NEK7: variants seen among roughly 807,000 people sequenced by gnomAD.
NEK7 encodes NIMA related kinase 7.
A neutral mutation model predicts 44.6 loss-of-function variants in NEK7; 18 were observed. The ratio of observed to expected loss-of-function variants is 0.40; its 90% CI spans 0.28 to 0.60. The LOEUF (loss-of-function observed/expected upper bound fraction) is 0.60. NEK7 is among the 20% of genes least tolerant of loss of function. NEK7 has a pLI of 0.38. For missense variants in NEK7, 256 were observed against 366.5 expected, an observed-to-expected ratio of 0.70 and a Z score of 2.46; for synonymous variants, 130 against 121.1, an observed-to-expected ratio of 1.07 and a Z score of -0.48.
At chr1:198,293,290 A>G (rs369455678) in intron 8 of NEK7, among the ~76,000 whole-genome samples, 2 of 152,088 alleles carry the variant, frequency 1.3e-5, no homozygotes, top group East Asian at 3.9e-4. Context: ...TTATGTTAAT[A>G]TAACGCCTTT....
intron 1 of NEK7, among the ~76,000 whole-genome samples, chr1:198,211,559 A>G (rs1356708347): frequency 6.6e-6 from 1 of 152,198 alleles, no homozygotes; most frequent in African/African-American, 2.4e-5. Flanking sequence ...TATCCAAAGT[A>G]GCATAAATAA....
chr1:198,311,649 G>T (rs181284657), intron 9 of NEK7, among the ~76,000 whole-genome samples: 4 of 151,684 alleles, frequency 2.6e-5, no homozygotes, highest in African/African-American at 7.3e-5. Context: ...TAGCATGAAG[G>T]GTTATTGAAT....
At chr1:198,264,848 C>G (rs558308091) in intron 5 of NEK7, among the ~76,000 whole-genome samples, 6 of 152,100 alleles carry the variant, frequency 3.9e-5, no homozygotes, top group Admixed American at 3.9e-4. Context: ...AGTTACTTCT[C>G]TGTGTCACAT....
chr1:198,205,091 A>C (rs1353852933), intron 1 of NEK7, among the ~76,000 whole-genome samples: 3 of 152,184 alleles, frequency 2.0e-5, no homozygotes, highest in Non-Finnish European at 1.5e-5. Flanking sequence ...GTGTCTGTGA[A>C]TAAAAACCCC....
chr1:198,316,818 AAAAG>A (rs1400899729), intron 9 of NEK7, among the ~76,000 whole-genome samples: 3 of 152,240 alleles, frequency 2.0e-5, no homozygotes, highest in African/African-American at 4.8e-5. Context: ...AGAGGGGGCA[AAAAG>A]AAAGAACAAA....
At chr1:198,214,932 A>G (rs1448490390) in intron 1 of NEK7, among the ~76,000 whole-genome samples, 1 of 152,190 alleles carries the variant, frequency 6.6e-6, no homozygotes, top group Non-Finnish European at 1.5e-5. Flanking sequence ...GTAAGACAAA[A>G]GCATCAGGTA....
intron 1 of NEK7, among the ~76,000 whole-genome samples, chr1:198,209,403 TC>T (rs1665700825): frequency 6.6e-6 from 1 of 152,140 alleles, no homozygotes; most frequent in African/African-American, 2.4e-5. Flanking sequence ...TTATCCCTGT[TC>T]CAAGCACTGT....
intron 1 of NEK7, among the ~76,000 whole-genome samples, chr1:198,177,240 G>A (rs941219376): frequency 2.0e-5 from 3 of 152,158 alleles, no homozygotes; most frequent in African/African-American, 7.2e-5. Flanking sequence ...TAAACACACA[G>A]TTCTGAACCA....
chr1:198,227,556 C>T (rs989409911), intron 1 of NEK7, among the ~76,000 whole-genome samples: 9 of 152,256 alleles, frequency 5.9e-5, no homozygotes, highest in Admixed American at 3.9e-4. Flanking sequence ...TTAATGATCG[C>T]CATTCTAACT....
At chr1:198,249,625 C>T (rs1652842268) in intron 2 of NEK7, among the ~76,000 whole-genome samples, 1 of 152,042 alleles carries the variant, frequency 6.6e-6, no homozygotes. Context: ...ATTTGCATTT[C>T]TCTGATGGCC....
At chr1:198,229,980 ATCAG>A (rs956125483) in intron 1 of NEK7, among the ~76,000 whole-genome samples, 5 of 152,190 alleles carry the variant, frequency 3.3e-5, no homozygotes, top group African/African-American at 4.8e-5. Flanking sequence ...TCTTCTTTGG[ATCAG>A]TCAGACTGTG....
intron 3 of NEK7, among the ~76,000 whole-genome samples, chr1:198,261,589 A>C (rs978384815): frequency 6.6e-6 from 1 of 151,936 alleles, no homozygotes; most frequent in Non-Finnish European, 1.5e-5. Context: ...CAAGCTGATT[A>C]CTAAAAATGT....
intron 1 of NEK7, among the ~76,000 whole-genome samples, chr1:198,196,262 AACCAAGT>A (rs1665233164): frequency 6.6e-6 from 1 of 152,226 alleles, no homozygotes; most frequent in Admixed American, 6.5e-5. Context: ...TTAGTGCAGC[AACCAAGT>A]AAAAGATGCA....
At chr1:198,287,734 A>G (rs1334813562) in intron 7 of NEK7, among the ~76,000 whole-genome samples, 2 of 152,130 alleles carry the variant, frequency 1.3e-5, no homozygotes, top group African/African-American at 4.8e-5. Flanking sequence ...TTTAAAAAAA[A>G]AAAAGCTAAC....
intron 9 of NEK7, among the ~76,000 whole-genome samples, chr1:198,300,040 T>C (rs889668262): frequency 4.6e-5 from 7 of 152,224 alleles, no homozygotes; most frequent in African/African-American, 1.7e-4. Flanking sequence ...ACATAAGTGA[T>C]ATTAGGGAAT....
intron 1 of NEK7, among the ~76,000 whole-genome samples, chr1:198,229,661 A>T (rs1231477684): frequency 6.6e-6 from 1 of 152,198 alleles, no homozygotes; most frequent in African/African-American, 2.4e-5. Context: ...TTGGTCACAG[A>T]AGTCTTATTG....
intron 9 of NEK7, among the ~76,000 whole-genome samples, chr1:198,316,822 G>T (rs1159741100): frequency 6.6e-6 from 1 of 152,172 alleles, no homozygotes; most frequent in East Asian, 1.9e-4. Context: ...GGGGCAAAAA[G>T]AAAGAACAAA....
chr1:198,286,630 T>C (rs1179924170), intron 7 of NEK7, among the ~76,000 whole-genome samples: 1 of 152,192 alleles, frequency 6.6e-6, no homozygotes, highest in Non-Finnish European at 1.5e-5. Flanking sequence ...CAGAAACGTA[T>C]TATTTTTCTG....
intron 1 of NEK7, chr1:198,207,150 A>AT (rs1665621027): frequency 2.0e-5 from 3 of 152,268 alleles, no homozygotes; most frequent in African/African-American, 4.8e-5. Context: ...GATATCCAGT[A>AT]TTTTTGATAA....
Sources: gnomAD v4.1 joint callset for allele counts (sites outside exome capture counted in the v4.1 genomes callset) on GRCh38, gnomAD v4.1.1 for gene constraint, MANE v1.5 for transcripts, NCBI Gene and HGNC (gene_info 2026-07-23, HGNC 2026-07-21) for gene names.